PLCD4: variants seen among roughly 807,000 people sequenced by gnomAD.
The protein encoded by PLCD4 is 1-phosphatidylinositol 4,5-bisphosphate phosphodiesterase delta-4.
Under a neutral mutation model 90.2 loss-of-function variants are expected in PLCD4, and 63 were observed. The observed-to-expected ratio is 0.70, with a 90% CI of 0.57 to 0.86. The LOEUF (loss-of-function observed/expected upper bound fraction) is 0.86. Ranked by LOEUF, PLCD4 falls within the 40% of genes least tolerant of loss-of-function variation. PLCD4 has a pLI of 0.00. For missense variants in PLCD4, 830 were observed against 956.3 expected, an observed-to-expected ratio of 0.87 and a Z score of 1.74; for synonymous variants, 294 against 356.5, an observed-to-expected ratio of 0.82 and a Z score of 1.97.
rs1057398025 is a variant in PLCD4, at chr2:218,615,895, C to T, written c.23-9C>T. On this transcript the variant is annotated splice_polypyrimidine_tract_variant and intron_variant, in intron 2 of 15. Transcript: ENST00000450993. ...GCTGGCTACCTAACCCCTGCTTTTC[C>T]TGACCTAGAGCTGACCACTGATCAG... 3.1e-6 allele frequency: 5 copies of T among 1,613,582 alleles called. No individual in the cohort carries two copies. The highest frequency in any genetic ancestry group is 4.2e-6 in the Non-Finnish European group (5 of 1,179,512).
At chr2:218,619,002 A>T (rs1695756202) in intron 4 of PLCD4, 195 bp downstream of exon 4, 2 of 594,286 alleles carry the variant, frequency 3.4e-6, no homozygotes, top group Non-Finnish European at 5.9e-6. Flanking sequence ...CAAGGATCAC[A>T]TAGCCAGGCA....
Position 218,622,657 on chromosome 2 carries a change from C to A in PLCD4, c.551C>A (p.Thr184Lys), listed in dbSNP as rs758296014. ...AAACCTCTCTTGCAGGCAGCAGACA[C>A]GTCCCAGTCTGGAACCCTGGAAGGA... ...YAFSLFQAAD[T>K]SQSGTLEGEE... Residue 184 changes from threonine (T) to lysine (K), a missense_variant, in exon 6 of 16, where the codon ACG (threonine) becomes AAG (lysine). Coordinates refer to ENST00000450993, the MANE Select transcript of PLCD4 (RefSeq NM_032726.4). 1 of 1,612,990 alleles carries A rather than the reference C, an allele frequency of 6.2e-7. No individual in the cohort carries two copies. The highest frequency in any genetic ancestry group is 1.7e-5 in the Admixed American group (1 of 59,964).
chr2:218,616,860 T>C, intron 3 of PLCD4, among the ~76,000 whole-genome samples: 1 of 133,810 alleles, frequency 7.5e-6, no homozygotes, highest in Admixed American at 8.1e-5. Flanking sequence ...GCATGGGATG[T>C]AAAACCAGAA....
At chr2:218,626,959 A>C in intron 6 of PLCD4, among the ~76,000 whole-genome samples, 1 of 152,166 alleles carries the variant, frequency 6.6e-6, no homozygotes, top group East Asian at 1.9e-4. Flanking sequence ...GCTATTTAAA[A>C]TTAAATTAAC....
chr2:218,621,113 G>GT (rs1695856811), intron 4 of PLCD4, among the ~76,000 whole-genome samples: 1 of 152,116 alleles, frequency 6.6e-6, no homozygotes, highest in Non-Finnish European at 1.5e-5. Flanking sequence ...TGTATTTTTA[G>GT]TGGAGATGGG....
chr2:218,611,133 A>C (rs1271110790), intron 1 of PLCD4, among the ~76,000 whole-genome samples: 1 of 152,136 alleles, frequency 6.6e-6, no homozygotes, highest in African/African-American at 2.4e-5. Flanking sequence ...TTTTCTATAA[A>C]ATGAAGTCCA....
rs1455549502 is a variant in PLCD4, at chr2:218,634,641, A to G, written c.1896+11A>G. 1.2e-6 allele frequency: 2 copies of G among 1,611,846 alleles called. No individual in the cohort carries two copies. Among genetic ancestry groups the G allele is most frequent in the Admixed American group, 3.4e-5 (2 of 59,554 alleles). ...ACTCTCTTAATCCAGGTACAGTGGA[A>G]ATAAACTGTTGGGAAGAAACTGAGA... On this transcript the variant is annotated intron_variant, in intron 13 of 15. Transcript: ENST00000450993. This position sits in a 1 kb window ranked among gnomAD's most constrained non-coding sequence, Gnocchi z 4.0.
intron 3 of PLCD4, among the ~76,000 whole-genome samples, chr2:218,616,662 A>G (rs1481228910): frequency 6.6e-6 from 1 of 151,358 alleles, no homozygotes; most frequent in African/African-American, 2.4e-5. Flanking sequence ...GACTGCAGTG[A>G]GCTGTGATCA....
In PLCD4 at chr2:218,634,248, A is replaced by C. The variant is rs6737698; in HGVS notation, c.1723+27A>C. ...TGAGGAGGCAGCAGGGACTGGGAAG[A>C]GGGAGTGGAGGAGCAGCAGGTGGGA... On this transcript the variant is annotated intron_variant, in intron 12 of 15. Transcript: ENST00000450993. The surrounding 1 kb of genome is among the most constrained non-coding windows in gnomAD (Gnocchi z 4.0). The C allele has an allele frequency of 0.015, 24,289 of 1,595,614 alleles. 2,035 individuals are homozygous for C. In the African/African-American group the frequency reaches 0.23, roughly 15 times the overall value.
At chr2:218,627,127 G>T (rs558295777) in intron 6 of PLCD4, among the ~76,000 whole-genome samples, 1 of 150,952 alleles carries the variant, frequency 6.6e-6, no homozygotes, top group Non-Finnish European at 1.5e-5. Flanking sequence ...CGGGTGTAGT[G>T]GGGGGCGCCT....
intron 1 of PLCD4, among the ~76,000 whole-genome samples, chr2:218,615,120 C>T (rs1008382437): frequency 2.0e-5 from 3 of 151,702 alleles, no homozygotes; most frequent in Non-Finnish European, 4.4e-5. Flanking sequence ...CCCAGCTACT[C>T]GGGAGGCCGA....
intron 7 of PLCD4, 72 bp downstream of exon 7, chr2:218,628,302 G>A: frequency 1.4e-6 from 2 of 1,456,350 alleles, no homozygotes; most frequent in Non-Finnish European, 1.9e-6. Context: ...AGCTGTCAGT[G>A]TCTAACAGAT....
chr2:218,631,791 CAA>C (rs34357387), intron 9 of PLCD4, among the ~76,000 whole-genome samples: 35 of 68,778 alleles, frequency 5.1e-4, no homozygotes, highest in Middle Eastern at 0.01. Flanking sequence ...GACTCCGTCT[CAA>C]AAAAAAAAAA....
At chr2:218,611,085 C>A (rs1383828101) in intron 1 of PLCD4, among the ~76,000 whole-genome samples, 1 of 152,130 alleles carries the variant, frequency 6.6e-6, no homozygotes, top group Admixed American at 6.6e-5. Flanking sequence ...GGCACTAATT[C>A]TTTTTACTTC....
At chr2:218,627,153 C>T (rs570648923) in intron 6 of PLCD4, among the ~76,000 whole-genome samples, 7 of 150,852 alleles carry the variant, frequency 4.6e-5, no homozygotes, top group East Asian at 2.0e-4. Context: ...CCCAGCTACT[C>T]GGGAGCCTGA....
Position 218,634,262 on chromosome 2 carries a change from C to A in PLCD4, c.1723+41C>A. On this transcript the variant is annotated intron_variant, in intron 12 of 15. Transcript: ENST00000450993. The surrounding 1 kb of genome is among the most constrained non-coding windows in gnomAD (Gnocchi z 4.0). ...GGACTGGGAAGAGGGAGTGGAGGAG[C>A]AGCAGGTGGGAAATAAGTTCTCTAG... The A allele has an allele frequency of 6.3e-7, 1 of 1,585,440 alleles. No individual in the cohort carries two copies. The highest frequency in any genetic ancestry group is 2.3e-5 in the East Asian group (1 of 43,542).
chr2:218,631,062 TTC>T (rs1696339408), intron 9 of PLCD4, among the ~76,000 whole-genome samples: 1 of 152,234 alleles, frequency 6.6e-6, no homozygotes, highest in Non-Finnish European at 1.5e-5. Flanking sequence ...CTTGATTTTT[TTC>T]TGGTAGTTCA....
Position 218,636,385 on chromosome 2 carries a change from G to A in PLCD4, c.2175G>A (p.Met725Ile). The change falls in exon 15 of 16, where the codon ATG becomes ATA. Residue 725 changes from methionine to isoleucine, a missense_variant. Transcript: ENST00000450993. Reference sequence around the variant, plus strand: ...AGTACACCCTGCCTTGGACCTGCATGCAACAAGGTGAGCCAGCCCCTTTGG... The same window carrying A: ...AGTACACCCTGCCTTGGACCTGCATACAACAAGGTGAGCCAGCCCCTTTGG... The part of the protein sequence containing the change: ...IGQYTLPWTC[M>I]QQGYRHIHLL... 6.2e-7 allele frequency: 1 copy of A among 1,614,016 alleles called. No homozygotes were observed. Among genetic ancestry groups the A allele is most frequent in the Non-Finnish European group, 8.5e-7 (1 of 1,179,898 alleles).
intron 3 of PLCD4, among the ~76,000 whole-genome samples, chr2:218,616,898 T>TTTTA (rs1553571887): frequency 3.2e-4 from 2 of 6,254 alleles, no homozygotes; most frequent in Non-Finnish European, 4.2e-4. Flanking sequence ...AGCCATTATT[T>TTTTA]TATATATATA....
Sources: allele counts gnomAD v4.1 joint callset (sites outside exome capture counted in the v4.1 genomes callset), GRCh38; gene constraint gnomAD v4.1.1; non-coding constraint Gnocchi (gnomAD v3.1); transcripts MANE v1.5; gene names NCBI Gene and HGNC (gene_info 2026-07-23, HGNC 2026-07-21).